Variants in STXBP5L observed in about 807,000 individuals in gnomAD.
STXBP5L encodes the protein syntaxin-binding protein 5-like.
In STXBP5L, 65 loss-of-function variants were observed where a neutral mutation model predicts 144.5. The observed-to-expected ratio is 0.45, with a 90% CI of 0.37 to 0.55. The LOEUF is 0.55. Among genes scored for constraint, STXBP5L ranks in the 20% least tolerant of loss-of-function variants. The probability of loss-of-function intolerance (pLI) is 0.00; values close to 1 mark genes in which losing one functional copy is unlikely to be tolerated. For missense variants in STXBP5L, 1,298 were observed against 1,405.5 expected, an observed-to-expected ratio of 0.92 and a Z score of 1.22; for synonymous variants, 505 against 469.6, an observed-to-expected ratio of 1.08 and a Z score of -0.97.
At chr3:121,405,055 G>A (rs1157628682) in intron 22 of STXBP5L, among the ~76,000 whole-genome samples, 1 of 152,102 alleles carries the variant, frequency 6.6e-6, no homozygotes, top group Non-Finnish European at 1.5e-5. Flanking sequence ...GGGGGAGAGA[G>A]AGAGAGAGCA....
chr3:121,387,327 T>C (rs940881864), intron 22 of STXBP5L, among the ~76,000 whole-genome samples: 1 of 152,212 alleles, frequency 6.6e-6, no homozygotes, highest in African/African-American at 2.4e-5. Context: ...ATGGGTAGAT[T>C]GCAAAAATTT....
At chr3:121,185,581 C>A (rs1199238032) in intron 9 of STXBP5L, among the ~76,000 whole-genome samples, 1 of 152,062 alleles carries the variant, frequency 6.6e-6, no homozygotes, top group Non-Finnish European at 1.5e-5. Flanking sequence ...TTGTTTTTGT[C>A]AGGTTTGTCA....
chr3:121,207,558 A>G (rs538420975), intron 10 of STXBP5L, among the ~76,000 whole-genome samples: 21 of 152,286 alleles, frequency 1.4e-4, no homozygotes, highest in Non-Finnish European at 2.8e-4. Context: ...CTACAGAATG[A>G]GAGAAAATTT....
intron 7 of STXBP5L, among the ~76,000 whole-genome samples, chr3:121,133,139 G>T (rs2045074496): frequency 1.3e-5 from 2 of 152,132 alleles, no homozygotes; most frequent in South Asian, 2.1e-4. Flanking sequence ...AGAGGCTGAT[G>T]TCAGAGGATT....
rs117390034 is a variant in STXBP5L at position 121,058,333 on chromosome 3, C to G, written c.470+12798C>G. ...TCCTTTTCTATGGCTGCATAGGAGTCCATGGTGTACATGTGCCACATTTAC... is the reference window on the plus strand; with the variant it reads ...TCCTTTTCTATGGCTGCATAGGAGTGCATGGTGTACATGTGCCACATTTAC... On this transcript the variant is annotated intron_variant, in intron 5 of 26. Coordinates refer to ENST00000471454, the MANE Select transcript of STXBP5L (RefSeq NM_001308330.2). Among the ~76,000 whole-genome samples the G allele has an allele frequency of 1.3e-5, 2 of 152,210 alleles. 1 individual carries two copies. Among genetic ancestry groups the G allele is most frequent in the South Asian group, 4.1e-4 (2 of 4,832 alleles).
intron 2 of STXBP5L, among the ~76,000 whole-genome samples, chr3:120,913,324 C>T (rs1235710599): frequency 6.6e-6 from 1 of 151,950 alleles, no homozygotes; most frequent in Non-Finnish European, 1.5e-5. Flanking sequence ...CCTCCCCATT[C>T]TTAGAGAATC....
chr3:120,909,538 C>T, intron 1 of STXBP5L, 33 bp from the exon 2 acceptor site: 1 of 1,591,388 alleles, frequency 6.3e-7, no homozygotes. Flanking sequence ...TAAGTCACCT[C>T]TTTCCCTTTT....
chr3:121,172,687 G>T (rs1220801021), intron 9 of STXBP5L, among the ~76,000 whole-genome samples: 3 of 152,184 alleles, frequency 2.0e-5, no homozygotes, highest in Non-Finnish European at 4.4e-5. Flanking sequence ...AACAACAGAT[G>T]CTGGAGAGGA....
intron 2 of STXBP5L, among the ~76,000 whole-genome samples, chr3:120,923,082 T>C (rs930690581): frequency 8.6e-5 from 13 of 152,024 alleles, no homozygotes; most frequent in Non-Finnish European, 1.5e-5. Context: ...TGGTAGGTTG[T>C]ATGTGTCCAT....
At chr3:121,108,118 G>A (rs1315516159) in intron 5 of STXBP5L, among the ~76,000 whole-genome samples, 2 of 152,024 alleles carry the variant, frequency 1.3e-5, no homozygotes. Context: ...TTAGGCTGAA[G>A]CGATAGGATT....
intron 10 of STXBP5L, among the ~76,000 whole-genome samples, chr3:121,212,382 A>T (rs970142448): frequency 1.3e-5 from 2 of 152,126 alleles, no homozygotes; most frequent in South Asian, 4.1e-4. Flanking sequence ...TCTTGTGCTA[A>T]TTTTTATATA....
intron 20 of STXBP5L, among the ~76,000 whole-genome samples, chr3:121,331,180 C>T (rs2044310145): frequency 1.3e-5 from 2 of 152,180 alleles, no homozygotes; most frequent in Admixed American, 1.3e-4. Flanking sequence ...CCAAACTTTC[C>T]ACATGTGGGA....
At chr3:121,323,097 T>G (rs1483551803) in intron 20 of STXBP5L, among the ~76,000 whole-genome samples, 1 of 152,204 alleles carries the variant, frequency 6.6e-6, no homozygotes, top group East Asian at 1.9e-4. Context: ...ATATTATAAC[T>G]TAGTTGGATG....
At chr3:121,347,871 G>T (rs191218583) in intron 20 of STXBP5L, among the ~76,000 whole-genome samples, 21 of 152,274 alleles carry the variant, frequency 1.4e-4, no homozygotes, top group African/African-American at 4.8e-4. Flanking sequence ...AGACGATGGG[G>T]TTTTCTAGAT....
At position 121,082,947 on chromosome 3, in the gene STXBP5L, C is replaced by T. The variant is rs148950946; in HGVS notation, c.471-31978C>T. ...GGCGTGGTGGCTCATGCCTGTAATC[C>T]CAGCACTTTGGGAGGCTGAGGCAGG... On this transcript the variant is annotated intron_variant, in intron 5 of 26. Coordinates refer to ENST00000471454, the MANE Select transcript of STXBP5L (RefSeq NM_001308330.2). Among the ~76,000 whole-genome samples, 784 of 152,226 alleles carry T rather than the reference C, an allele frequency of 5.2e-3. 11 individuals carry two copies. The highest frequency in any genetic ancestry group is 0.016 in the African/African-American group (672 of 41,542).
intron 5 of STXBP5L, among the ~76,000 whole-genome samples, chr3:121,080,556 A>G (rs1410290175): frequency 6.6e-6 from 1 of 152,132 alleles, no homozygotes; most frequent in Non-Finnish European, 1.5e-5. Context: ...TCTGAAAAAG[A>G]CTTTATCTCT....
chr3:121,039,722 A>G (rs552820960), intron 3 of STXBP5L, among the ~76,000 whole-genome samples: 5 of 151,936 alleles, frequency 3.3e-5, no homozygotes, highest in Non-Finnish European at 5.9e-5. Context: ...TATTTAAAAA[A>G]AATTTTATCT....
rs754145577 is a variant in STXBP5L at position 121,114,914 on chromosome 3, C to A, written c.471-11C>A. ...ATTTAGATATTTTAATTATAATTTT[C>A]TTTCTTTCAGAATTACTTACTGTCA... On this transcript the variant is annotated splice_polypyrimidine_tract_variant and intron_variant, in intron 5 of 26. Transcript: ENST00000471454. 4 of 1,470,328 alleles carry A rather than the reference C, an allele frequency of 2.7e-6. No individual in the cohort carries two copies. The highest frequency in any genetic ancestry group is 3.6e-6 in the Non-Finnish European group (4 of 1,108,048). The allele number at this position is 1,470,328 out of a possible 1,614,324, so 91.1% of individuals were successfully genotyped here.
intron 3 of STXBP5L, among the ~76,000 whole-genome samples, chr3:120,976,609 C>T (rs1941056137): frequency 6.6e-6 from 1 of 151,906 alleles, no homozygotes; most frequent in African/African-American, 2.4e-5. Flanking sequence ...TTTGCTCTTG[C>T]TTTTCTAGTT....
Sources: allele counts gnomAD v4.1 joint callset (sites outside exome capture counted in the v4.1 genomes callset), GRCh38; gene constraint gnomAD v4.1.1; transcripts MANE v1.5; gene names NCBI Gene and HGNC (gene_info 2026-07-23, HGNC 2026-07-21).